The following CYYR1 variants were observed in gnomAD, a reference collection of about 807,000 sequenced individuals.
CYYR1 encodes the protein cysteine and tyrosine rich 1, also known as cysteine and tyrosine-rich protein 1.
Under a neutral mutation model 15.2 loss-of-function variants are expected in CYYR1, and 14 were observed. The ratio of observed to expected loss-of-function variants is 0.92; its 90% confidence interval spans 0.61 to 1.44. CYYR1 has a LOEUF of 1.44. Among genes scored for constraint, CYYR1 ranks in the 40% most tolerant of loss-of-function variants. The pLI is 0.00. For synonymous variants in CYYR1, 80 were observed against 77.4 expected, an observed-to-expected ratio of 1.03 and a Z score of -0.18; for missense variants, 228 against 209.5, an observed-to-expected ratio of 1.09 and a Z score of -0.54.
chr21:26,493,219 G>A (rs1229110348), intron 2 of CYYR1, among the ~76,000 whole-genome samples: 5 of 152,114 alleles, frequency 3.3e-5, no homozygotes, highest in African/African-American at 7.2e-5. Context: ...GATAAGGAAC[G>A]TCTTTAATAA....
chr21:26,490,383 T>C (rs1007845342), intron 2 of CYYR1, among the ~76,000 whole-genome samples: 3 of 152,064 alleles, frequency 2.0e-5, no homozygotes, highest in Admixed American at 6.6e-5. Flanking sequence ...AGTTGGATGA[T>C]ACATAATACT....
At chr21:26,505,606 A>T (rs536950916) in intron 2 of CYYR1, among the ~76,000 whole-genome samples, 8 of 152,370 alleles carry the variant, frequency 5.3e-5, no homozygotes, top group African/African-American at 1.9e-4. Context: ...CTTAATGCAC[A>T]TTAGCTATTA....
intron 2 of CYYR1, among the ~76,000 whole-genome samples, chr21:26,498,754 A>G (rs1175579748): frequency 6.6e-6 from 1 of 152,146 alleles, no homozygotes; most frequent in Non-Finnish European, 1.5e-5. Context: ...GAAACTTACA[A>G]TCATGGGGAA....
intron 3 of CYYR1, chr21:26,471,674 A>T (rs2123362883): frequency 6.6e-6 from 1 of 152,350 alleles, no homozygotes; most frequent in East Asian, 1.9e-4. Context: ...TTTCTTGCAC[A>T]TAATAAAGTT....
chr21:26,516,943 G>A (rs561426119), intron 2 of CYYR1, among the ~76,000 whole-genome samples: 35 of 150,448 alleles, frequency 2.3e-4, no homozygotes, highest in Non-Finnish European at 3.0e-5. Context: ...GTGAAACCCC[G>A]TCTCTACTAA....
intron 2 of CYYR1, among the ~76,000 whole-genome samples, chr21:26,529,934 A>T (rs1350905837): frequency 6.6e-6 from 1 of 152,210 alleles, no homozygotes; most frequent in Non-Finnish European, 1.5e-5. Flanking sequence ...ATGGCTACCC[A>T]TCCCATCTTT....
chr21:26,487,183 C>T (rs2065260362), intron 2 of CYYR1, among the ~76,000 whole-genome samples: 1 of 151,828 alleles, frequency 6.6e-6, no homozygotes, highest in Non-Finnish European at 1.5e-5. Flanking sequence ...AATACCTTTA[C>T]CTTTGAAATA....
At chr21:26,472,695 T>C (rs757014251) in intron 3 of CYYR1, among the ~76,000 whole-genome samples, 2 of 152,132 alleles carry the variant, frequency 1.3e-5, no homozygotes, top group African/African-American at 2.4e-5. Flanking sequence ...CACAAAATTA[T>C]ATATCTTTTA....
chr21:26,542,294 T>A (rs57577537), intron 2 of CYYR1, among the ~76,000 whole-genome samples: 4 of 142,884 alleles, frequency 2.8e-5, no homozygotes, highest in African/African-American at 1.1e-4. Flanking sequence ...TGTGTGCGTG[T>A]GTGTGTGTGT....
At chr21:26,514,998 A>G (rs1347044499) in intron 2 of CYYR1, among the ~76,000 whole-genome samples, 2 of 152,260 alleles carry the variant, frequency 1.3e-5, no homozygotes, top group Non-Finnish European at 2.9e-5. Flanking sequence ...TCACGATTCA[A>G]TGTGGTATGC....
intron 2 of CYYR1, among the ~76,000 whole-genome samples, chr21:26,497,719 C>T (rs187077732): frequency 3.3e-5 from 5 of 152,220 alleles, no homozygotes; most frequent in East Asian, 1.9e-4. Context: ...CACACTGCCT[C>T]GTACAATGAT....
At chr21:26,558,200 G>A (rs991617710) in intron 2 of CYYR1, among the ~76,000 whole-genome samples, 1 of 152,102 alleles carries the variant, frequency 6.6e-6, no homozygotes, top group African/African-American at 2.4e-5. Context: ...GTGTCTGGGC[G>A]ACTCCATTAC....
chr21:26,515,367 C>CT (rs532569849), intron 2 of CYYR1, among the ~76,000 whole-genome samples: 22 of 151,080 alleles, frequency 1.5e-4, no homozygotes, highest in South Asian at 2.1e-4. Flanking sequence ...CTTTTCTTTT[C>CT]TTTTTTTTTG....
At chr21:26,560,856 C>T (rs1980147282) in intron 2 of CYYR1, among the ~76,000 whole-genome samples, 1 of 147,628 alleles carries the variant, frequency 6.8e-6, no homozygotes, top group African/African-American at 2.7e-5. Context: ...TGATTCATGG[C>T]TATATCCTCC....
At chr21:26,560,975 CA>C (rs1281533087) in intron 2 of CYYR1, among the ~76,000 whole-genome samples, 1 of 152,146 alleles carries the variant, frequency 6.6e-6, no homozygotes, top group Non-Finnish European at 1.5e-5. Flanking sequence ...CTGTTTCTGA[CA>C]ATTAGGCTTA....
chr21:26,560,535 C>A (rs1980126499), intron 2 of CYYR1, among the ~76,000 whole-genome samples: 1 of 152,138 alleles, frequency 6.6e-6, no homozygotes, highest in Non-Finnish European at 1.5e-5. Flanking sequence ...AACAACATAC[C>A]ATTGATTATG....
At chr21:26,483,555 A>ATTGGAGAATGCTTTCATG in intron 2 of CYYR1, 1 of 397,784 alleles carries the variant, frequency 2.5e-6, no homozygotes, top group Non-Finnish European at 3.4e-6. Context: ...TCTCCATGAA[A>ATTGGAGAATGCTTTCATG]GCATTCTCCA....
chr21:26,560,068 C>G (rs887976707), intron 2 of CYYR1, among the ~76,000 whole-genome samples: 2 of 152,086 alleles, frequency 1.3e-5, no homozygotes, highest in Admixed American at 1.3e-4. Context: ...TTTACAATAC[C>G]TGCATCCACA....
At chr21:26,569,864 ATGT>A (rs2069296015) in intron 1 of CYYR1, among the ~76,000 whole-genome samples, 1 of 152,204 alleles carries the variant, frequency 6.6e-6, no homozygotes, top group Non-Finnish European at 1.5e-5. Flanking sequence ...CAAGCCCAAA[ATGT>A]TGTAGCCAAG....
Sources: gnomAD v4.1 joint callset for allele counts (sites outside exome capture counted in the v4.1 genomes callset) on GRCh38, gnomAD v4.1.1 for gene constraint, MANE v1.5 for transcripts, NCBI Gene and HGNC (gene_info 2026-07-23, HGNC 2026-07-21) for gene names.